The following KCND3 variants were observed in gnomAD, a reference collection of about 807,000 sequenced individuals.
KCND3 encodes the protein A-type voltage-gated potassium channel KCND3.
KCND3 carries 9 observed loss-of-function variants against 51.1 expected under a neutral mutation model. The ratio of observed to expected loss-of-function variants is 0.18; its 90% CI spans 0.11 to 0.31. The LOEUF (loss-of-function observed/expected upper bound fraction) is 0.31. Ranked by LOEUF, KCND3 falls within the 10% of genes least tolerant of loss-of-function variation. The probability of loss-of-function intolerance (pLI) is 1.00; values close to 1 mark genes in which losing one functional copy is unlikely to be tolerated. For missense variants in KCND3, 526 were observed against 903.8 expected, an observed-to-expected ratio of 0.58 and a Z score of 5.36; for synonymous variants, 349 against 368.0, an observed-to-expected ratio of 0.95 and a Z score of 0.59.
At chr1:111,814,727 A>G (rs1434278187) in intron 2 of KCND3, among the ~76,000 whole-genome samples, 2 of 152,252 alleles carry the variant, frequency 1.3e-5, no homozygotes, top group Non-Finnish European at 1.5e-5. Flanking sequence ...ACTGATACTG[A>G]CATAAGTTCC....
chr1:111,792,666 C>T (rs889759322), intron 2 of KCND3, among the ~76,000 whole-genome samples: 2 of 152,130 alleles, frequency 1.3e-5, no homozygotes, highest in Non-Finnish European at 2.9e-5. Flanking sequence ...TCTTCAGTTT[C>T]CTGGCATTGA....
chr1:111,792,953 A>T (rs949629376), intron 2 of KCND3, among the ~76,000 whole-genome samples: 40 of 149,502 alleles, frequency 2.7e-4, no homozygotes, highest in African/African-American at 9.5e-4. Context: ...ATAAAATAAT[A>T]CCAATTTTTG....
chr1:111,898,164 G>A (rs1287026607), intron 2 of KCND3, among the ~76,000 whole-genome samples: 1 of 152,148 alleles, frequency 6.6e-6, no homozygotes, highest in Non-Finnish European at 1.5e-5. Context: ...AGGGGGTTGA[G>A]GATTAAATAG....
chr1:111,779,229 G>A (rs1181304947), intron 5 of KCND3, among the ~76,000 whole-genome samples: 2 of 152,122 alleles, frequency 1.3e-5, no homozygotes, highest in African/African-American at 4.8e-5. Flanking sequence ...GGAGGCTGAG[G>A]TGGGAGGATC....
chr1:111,776,069 C>T lies in KCND3; in HGVS notation c.*8G>A. 6.2e-7 allele frequency: 1 copy of T among 1,614,184 alleles called. No individual in the cohort carries two copies. Among genetic ancestry groups the T allele is most frequent in the Non-Finnish European group, 8.5e-7 (1 of 1,180,002 alleles). On this transcript the variant is annotated 3_prime_UTR_variant, in exon 8 of 8. Coordinates refer to ENST00000302127, the MANE Select transcript of KCND3 (RefSeq NM_001378969.1). ...CCACTACCCACTCTGGCCCTCTGTC[C>T]AGTGGTTTTACAAGGCGGAGACCTT...
chr1:111,970,709 C>T (rs542798659), intron 2 of KCND3, among the ~76,000 whole-genome samples: 1 of 152,294 alleles, frequency 6.6e-6, no homozygotes, highest in African/African-American at 2.4e-5. Context: ...ATGCTACTAC[C>T]ATGTGGGAGC....
chr1:111,879,078 T>A (rs1669187148), intron 2 of KCND3, among the ~76,000 whole-genome samples: 1 of 152,116 alleles, frequency 6.6e-6, no homozygotes, highest in East Asian at 1.9e-4. Flanking sequence ...AAACATCAGC[T>A]CTCCTTAGGT....
intron 2 of KCND3, among the ~76,000 whole-genome samples, chr1:111,812,577 C>T (rs190450228): frequency 6.6e-6 from 1 of 152,188 alleles, no homozygotes; most frequent in South Asian, 2.1e-4. Flanking sequence ...TCACGTGGAC[C>T]TTTTACATTT....
intron 2 of KCND3, among the ~76,000 whole-genome samples, chr1:111,873,660 AG>A (rs1571776122): frequency 6.6e-6 from 1 of 152,212 alleles, no homozygotes; most frequent in East Asian, 1.9e-4. Flanking sequence ...TTGGCTAGAG[AG>A]GATCTCTCTC....
intron 2 of KCND3, among the ~76,000 whole-genome samples, chr1:111,891,678 G>T (rs1040106441): frequency 6.6e-6 from 1 of 152,178 alleles, no homozygotes; most frequent in Non-Finnish European, 1.5e-5. Flanking sequence ...TGTGTTGTCT[G>T]TCCCACAACT....
chr1:111,840,520 T>C (rs1229447560), intron 2 of KCND3, among the ~76,000 whole-genome samples: 1 of 151,990 alleles, frequency 6.6e-6, no homozygotes. Flanking sequence ...GGGAAGTGTT[T>C]AGAGTTTTCA....
At chr1:111,878,307 A>G (rs1457131433) in intron 2 of KCND3, among the ~76,000 whole-genome samples, 1 of 152,216 alleles carries the variant, frequency 6.6e-6, no homozygotes, top group Non-Finnish European at 1.5e-5. Flanking sequence ...GCCAGCCACA[A>G]TATGGCCTGA....
intron 2 of KCND3, among the ~76,000 whole-genome samples, chr1:111,821,559 C>G (rs2101598413): frequency 6.6e-6 from 1 of 152,322 alleles, no homozygotes; most frequent in Middle Eastern, 3.4e-3. Context: ...AGCTCTGGTC[C>G]TGGGTCACAG....
chr1:111,795,792 C>T (rs1357661276), intron 2 of KCND3, among the ~76,000 whole-genome samples: 2 of 152,206 alleles, frequency 1.3e-5, no homozygotes, highest in Non-Finnish European at 2.9e-5. Flanking sequence ...AACTAATTTA[C>T]ACTCCCACCA....
At chr1:111,921,238 T>C (rs1412769608) in intron 2 of KCND3, among the ~76,000 whole-genome samples, 1 of 152,212 alleles carries the variant, frequency 6.6e-6, no homozygotes, top group African/African-American at 2.4e-5. Context: ...GTTGAGTAAC[T>C]TGTGCAAGGC....
At chr1:111,859,343 G>C (rs1668231163) in intron 2 of KCND3, among the ~76,000 whole-genome samples, 1 of 152,208 alleles carries the variant, frequency 6.6e-6, no homozygotes. Context: ...GAAGAGAAGA[G>C]ACCTCAGTGA....
chr1:111,912,234 G>A (rs1670985874), intron 2 of KCND3, among the ~76,000 whole-genome samples: 1 of 152,228 alleles, frequency 6.6e-6, no homozygotes, highest in Non-Finnish European at 1.5e-5. Context: ...GCCAGATGGC[G>A]TATATGATGG....
chr1:111,923,604 C>A (rs900058035), intron 2 of KCND3, among the ~76,000 whole-genome samples: 1 of 152,140 alleles, frequency 6.6e-6, no homozygotes, highest in African/African-American at 2.4e-5. Context: ...ACTTTTGTCT[C>A]CAGGATTTTA....
intron 2 of KCND3, among the ~76,000 whole-genome samples, chr1:111,862,372 A>T (rs1327170226): frequency 6.6e-6 from 1 of 152,276 alleles, no homozygotes; most frequent in African/African-American, 2.4e-5. Flanking sequence ...TTACAAAAAC[A>T]AAGTGAATGG....
Sources: gnomAD v4.1 joint callset for allele counts (sites outside exome capture counted in the v4.1 genomes callset) on GRCh38, gnomAD v4.1.1 for gene constraint, MANE v1.5 for transcripts, NCBI Gene and HGNC (gene_info 2026-07-23, HGNC 2026-07-21) for gene names.